KCNMA1: variants seen among roughly 807,000 people sequenced by gnomAD.
The protein encoded by KCNMA1 is Calcium-activated potassium channel subunit alpha-1.
KCNMA1 carries 29 observed loss-of-function variants against 140.0 expected under a neutral mutation model. The ratio of observed to expected loss-of-function variants is 0.21; its 90% CI spans 0.15 to 0.28. The LOEUF is 0.28. Ranked by LOEUF, KCNMA1 falls within the 10% of genes least tolerant of loss-of-function variation. The probability of loss-of-function intolerance (pLI) is 1.00; values close to 1 mark genes in which losing one functional copy is unlikely to be tolerated. For missense variants in KCNMA1, 880 were observed against 1,602.2 expected (o/e 0.55, Z 7.70); for synonymous variants, 612 against 611.9 (o/e 1.00, Z 0.00).
intron 2 of KCNMA1, among the ~76,000 whole-genome samples, chr10:77,398,651 G>C (rs1407196502): frequency 6.6e-6 from 1 of 152,186 alleles, no homozygotes; most frequent in Non-Finnish European, 1.5e-5. Flanking sequence ...TATAAAGAAA[G>C]TTTACTGGAA....
chr10:76,943,954 TC>T (rs1234956263), intron 23 of KCNMA1, among the ~76,000 whole-genome samples: 1 of 152,080 alleles, frequency 6.6e-6, no homozygotes, highest in Non-Finnish European at 1.5e-5. Flanking sequence ...GGGATTCTGG[TC>T]CCCATCAGGC....
chr10:76,953,826 G>A lies in KCNMA1; in HGVS notation c.2459C>T (p.Pro820Leu). The change falls in exon 21 of 28, where the codon CCC becomes CTC. Residue 820 changes from proline to leucine, a missense_variant. By Grantham distance (98) the Pro-to-Leu change is moderately conservative. Coordinates refer to ENST00000286628, the MANE Select transcript of KCNMA1 (RefSeq NM_001161352.2). ...DSTGMFHWCA[P>L]KEIEKVILTR... ...CAGGATGACTTTCTCTATCTCCTTG[G>A]GTGCACACCAGTGAAACATCCCAGT... The A allele has an allele frequency of 6.2e-7, 1 of 1,614,012 alleles. No homozygotes were observed. Among genetic ancestry groups the A allele is most frequent in the Non-Finnish European group, 8.5e-7 (1 of 1,179,972 alleles).
intron 1 of KCNMA1, among the ~76,000 whole-genome samples, chr10:77,614,053 C>T (rs996410862): frequency 6.6e-6 from 1 of 152,180 alleles, no homozygotes; most frequent in African/African-American, 2.4e-5. Context: ...CCTACCACTG[C>T]CCAGGCCTGG....
chr10:76,887,397 G>A lies in KCNMA1; in HGVS notation c.3580C>T (p.His1194Tyr), dbSNP rs1436630483. ...TTCTTGCTGGAGGACTGCGACGAGTGGGAGGAATGGGACAGGCTGGCCCGG... is the reference window on the plus strand; with the variant it reads ...TTCTTGCTGGAGGACTGCGACGAGTAGGAGGAATGGGACAGGCTGGCCCGG... ...QSRASLSHSS[H>Y]SSQSSSKKSS... Residue 1194 changes from histidine (H) to tyrosine (Y), a missense_variant, in exon 28 of 28, where the codon CAC (histidine) becomes TAC (tyrosine). By Grantham distance (83) the His-to-Tyr change is moderately conservative. Transcript: ENST00000286628. The A allele has an allele frequency of 3.1e-6, 5 of 1,614,070 alleles. No homozygotes were observed. Among genetic ancestry groups the A allele is most frequent in the Non-Finnish European group, 3.4e-6 (4 of 1,180,052 alleles).
chr10:77,423,568 G>A lies in KCNMA1; in HGVS notation c.379-19545C>T, dbSNP rs186996075. On this transcript the variant is annotated intron_variant, in intron 1 of 27. Coordinates refer to ENST00000286628, the MANE Select transcript of KCNMA1 (RefSeq NM_001161352.2). Reference sequence around the variant, plus strand: ...CACAGCTTGTCATGGTGGATGGAGAGGAAGGAGACACCAGGGGTAGGGACT... The same window carrying A: ...CACAGCTTGTCATGGTGGATGGAGAAGAAGGAGACACCAGGGGTAGGGACT... Among the ~76,000 whole-genome samples the A allele has an allele frequency of 1.6e-3, 239 of 152,278 alleles. No homozygotes were observed. In the Middle Eastern group the frequency reaches 0.02, roughly 13 times the overall value.
chr10:77,318,620 C>G (rs1248806595), intron 2 of KCNMA1, among the ~76,000 whole-genome samples: 1 of 152,174 alleles, frequency 6.6e-6, no homozygotes, highest in African/African-American at 2.4e-5. Flanking sequence ...GGCACCCTTT[C>G]AATGTTTGAT....
In KCNMA1 at chr10:76,979,149, A is replaced by G. The variant is rs573897211; in HGVS notation, c.2267-9082T>C. On this transcript the variant is annotated intron_variant, in intron 19 of 27. Coordinates refer to ENST00000286628, the MANE Select transcript of KCNMA1 (RefSeq NM_001161352.2). ...CAGAACTGGACAAGGCAAATCTAAC[A>G]CAAGACTTATTTCTTTTGATCACTT... Among the ~76,000 whole-genome samples, 15 of 152,280 alleles carry G rather than the reference A, an allele frequency of 9.9e-5. No homozygotes were observed. In the South Asian group the frequency reaches 2.7e-3, roughly 27 times the overall value.
At chr10:77,363,067 T>C (rs1446405160) in intron 2 of KCNMA1, among the ~76,000 whole-genome samples, 1 of 152,164 alleles carries the variant, frequency 6.6e-6, no homozygotes, top group African/African-American at 2.4e-5. Flanking sequence ...CCTCGTGCTG[T>C]CAAGGTGACT....
At chr10:77,044,293 T>C (rs2094910840) in intron 14 of KCNMA1, among the ~76,000 whole-genome samples, 1 of 152,042 alleles carries the variant, frequency 6.6e-6, no homozygotes, top group Admixed American at 6.5e-5. Flanking sequence ...TGACTTACTT[T>C]GGAAAAGCAA....
At chr10:77,509,809 G>T (rs983778354) in intron 1 of KCNMA1, among the ~76,000 whole-genome samples, 6 of 152,112 alleles carry the variant, frequency 3.9e-5, no homozygotes, top group African/African-American at 1.4e-4. Context: ...CTAGGGAATG[G>T]CTCACTGGAT....
At chr10:77,302,735 G>C (rs973472789) in intron 2 of KCNMA1, among the ~76,000 whole-genome samples, 2 of 152,104 alleles carry the variant, frequency 1.3e-5, no homozygotes, top group Admixed American at 6.6e-5. Flanking sequence ...GCTCAGAAAG[G>C]GGATGGATAC....
At chr10:77,411,607 G>A (rs2096619886) in intron 1 of KCNMA1, among the ~76,000 whole-genome samples, 1 of 152,166 alleles carries the variant, frequency 6.6e-6, no homozygotes, top group African/African-American at 2.4e-5. Flanking sequence ...CAGCAGACGG[G>A]AGAATGCATG....
chr10:77,463,227 G>A (rs1404075423), intron 1 of KCNMA1, among the ~76,000 whole-genome samples: 1 of 152,128 alleles, frequency 6.6e-6, no homozygotes, highest in East Asian at 1.9e-4. Context: ...GCCCTGCGTA[G>A]CCTGGGAAGA....
intron 2 of KCNMA1, among the ~76,000 whole-genome samples, chr10:77,347,464 G>C (rs1321078602): frequency 6.6e-6 from 1 of 152,224 alleles, no homozygotes; most frequent in Non-Finnish European, 1.5e-5. Flanking sequence ...GCTGAGATGA[G>C]GTTCGTGTCT....
At chr10:77,468,128 C>G (rs2098072843) in intron 1 of KCNMA1, among the ~76,000 whole-genome samples, 1 of 152,150 alleles carries the variant, frequency 6.6e-6, no homozygotes, top group African/African-American at 2.4e-5. Flanking sequence ...GTGCCTCAGC[C>G]TCCCAAGTAG....
downstream of KCNMA1, chr10:76,884,036 T>C: frequency 1.0e-6 from 1 of 958,970 alleles, no homozygotes; most frequent in Non-Finnish European, 1.2e-6. Context: ...AACCTCAAAA[T>C]TCCATCTCTT....
At position 77,082,002 on chromosome 10, in the gene KCNMA1, C is replaced by CTTTTTTTTTT. The variant is rs772878572; in HGVS notation, c.1524-2453_1524-2452insAAAAAAAAAA. ...CCTTTGACCAGTAATTTCTTTTTTT[C>CTTTTTTTTTT]TTTTCTTTTTTTTTTTTTTTTTTTT... On this transcript the variant is annotated intron_variant, in intron 12 of 27. Coordinates refer to ENST00000286628, the MANE Select transcript of KCNMA1 (RefSeq NM_001161352.2). Among the ~76,000 whole-genome samples, 31 of 51,692 alleles carry CTTTTTTTTTT rather than the reference C, an allele frequency of 6.0e-4. 2 individuals are homozygous for CTTTTTTTTTT. Among genetic ancestry groups the CTTTTTTTTTT allele is most frequent in the Non-Finnish European group, 7.8e-4 (17 of 21,714 alleles). 33.9% of individuals were successfully genotyped at this position (51,692 alleles called of 152,430 possible). A position where few individuals can be genotyped will look rare whatever the true frequency, so the allele number is the denominator to read the frequency against.
At chr10:77,254,915 C>T (rs920297264) in intron 2 of KCNMA1, among the ~76,000 whole-genome samples, 11 of 152,148 alleles carry the variant, frequency 7.2e-5, no homozygotes, top group African/African-American at 2.7e-4. Flanking sequence ...TAGAATAAGA[C>T]AATAACCAAG....
chr10:77,492,072 G>C (rs1331208219), intron 1 of KCNMA1, among the ~76,000 whole-genome samples: 4 of 152,184 alleles, frequency 2.6e-5, no homozygotes, highest in Non-Finnish European at 2.9e-5. Context: ...AGCAAGATTT[G>C]ACTGAATGGG....
Sources: allele counts gnomAD v4.1 joint callset (sites outside exome capture counted in the v4.1 genomes callset), GRCh38; gene constraint gnomAD v4.1.1; transcripts MANE v1.5; gene names NCBI Gene and HGNC (gene_info 2026-07-23, HGNC 2026-07-21).